Variants in KDM6A observed in about 807,000 individuals in gnomAD.
KDM6A encodes the protein lysine-specific demethylase 6A.
KDM6A carries 11 observed loss-of-function variants against 117.6 expected under a neutral mutation model. The ratio of observed to expected loss-of-function variants is 0.09; its 90% CI spans 0.06 to 0.15. The LOEUF (loss-of-function observed/expected upper bound fraction) is 0.15, where lower values mean the gene tolerates loss of function less well. Ranked by LOEUF, KDM6A falls within the 10% of genes least tolerant of loss-of-function variation. The pLI, the probability that KDM6A is intolerant of heterozygous loss-of-function variation, is 1.00. For missense variants in KDM6A, 799 were observed against 1,077.3 expected, an observed-to-expected ratio of 0.74 and a Z score of 3.62; for synonymous variants, 384 against 396.1, an observed-to-expected ratio of 0.97 and a Z score of 0.36.
intron 2 of KDM6A, among the ~76,000 whole-genome samples, chrX:44,904,306 A>C (rs2034521594): frequency 9.0e-6 from 1 of 111,651 alleles, no homozygotes; most frequent in Admixed American, 9.6e-5. Context: ...CATTATTTTG[A>C]TTGTGCAGAG....
intron 8 of KDM6A, among the ~76,000 whole-genome samples, chrX:45,040,450 A>AC (rs1193126563): frequency 8.0e-4 from 31 of 38,630 alleles, no homozygotes; most frequent in Admixed American, 1.5e-3. Context: ...CGGGGGGCTG[A>AC]CCCCCCCCAC....
rs747029360 is a variant in KDM6A, at chrX:45,063,646, G to T, written c.1908G>T (p.Thr636=). The T allele has an allele frequency of 1.7e-6, 2 of 1,210,509 alleles. No individual in the cohort carries two copies. The highest frequency in any genetic ancestry group is 2.2e-6 in the Non-Finnish European group (2 of 894,705). The part of the protein sequence containing the change: ...AGHVPCSTSR[T]LGSTDTILIG... Reference sequence around the variant, plus strand: ...ATGTTCCCTGTAGCACATCAAGAACGCTGGGAAGTACAGACACTATTTTGA... The same window carrying T: ...ATGTTCCCTGTAGCACATCAAGAACTCTGGGAAGTACAGACACTATTTTGA... Residue 636 remains threonine, a synonymous_variant, in exon 17 of 30, where the codon ACG becomes ACT. Coordinates refer to ENST00000611820, the MANE Select transcript of KDM6A (RefSeq NM_001291415.2).
chrX:44,978,038 C>G (rs1367751911), intron 4 of KDM6A, among the ~76,000 whole-genome samples: 1 of 112,033 alleles, frequency 8.9e-6, no homozygotes, highest in Non-Finnish European at 1.9e-5. Context: ...TTGTGTTTGC[C>G]TGTGCAGAAG....
At chrX:44,924,573 C>G (rs1324596224) in intron 2 of KDM6A, among the ~76,000 whole-genome samples, 3 of 110,115 alleles carry the variant, frequency 2.7e-5, no homozygotes, top group African/African-American at 9.9e-5. Flanking sequence ...TCCACTTTGA[C>G]TTGTGGGAGC....
chrX:45,016,459 A>ATGTG (rs1406701668), intron 5 of KDM6A, among the ~76,000 whole-genome samples: 3 of 78,927 alleles, frequency 3.8e-5, no homozygotes, highest in African/African-American at 8.0e-5. Context: ...TATTTTATGT[A>ATGTG]TGTATGTATG....
At chrX:44,942,465 G>C (rs960452247) in intron 2 of KDM6A, among the ~76,000 whole-genome samples, 2 of 110,891 alleles carry the variant, frequency 1.8e-5, no homozygotes, top group East Asian at 5.7e-4. Context: ...CTGTTGATCT[G>C]TGTGTTTGTC....
chrX:45,016,162 T>A (rs2041950205), intron 5 of KDM6A, among the ~76,000 whole-genome samples: 2 of 111,775 alleles, frequency 1.8e-5, no homozygotes, highest in South Asian at 7.4e-4. Flanking sequence ...AGCATTTTTT[T>A]TAACCTATGT....
At chrX:45,073,460 C>T (rs1177039152) in intron 18 of KDM6A, among the ~76,000 whole-genome samples, 3 of 111,814 alleles carry the variant, frequency 2.7e-5, no homozygotes, top group Non-Finnish European at 5.6e-5. Context: ...CACTGTCTTC[C>T]ACAATGGTTG....
chrX:44,928,532 A>G (rs2036435013), intron 2 of KDM6A, among the ~76,000 whole-genome samples: 1 of 112,164 alleles, frequency 8.9e-6, no homozygotes, highest in Admixed American at 9.5e-5. Context: ...TATCGGAGAG[A>G]CCTTCAAGCA....
At chrX:45,095,284 G>A (rs1277888737) in intron 27 of KDM6A, among the ~76,000 whole-genome samples, 1 of 110,649 alleles carries the variant, frequency 9.0e-6, no homozygotes, top group East Asian at 2.8e-4. Flanking sequence ...GTGAATCTAT[G>A]GCACATGACT....
At chrX:44,877,345 G>A in intron 2 of KDM6A, among the ~76,000 whole-genome samples, 1 of 103,414 alleles carries the variant, frequency 9.7e-6, no homozygotes, top group Non-Finnish European at 1.9e-5. Flanking sequence ...TAGAGCCTGC[G>A]TAATTAGAGT....
At chrX:44,921,094 C>G (rs1284974390) in intron 2 of KDM6A, among the ~76,000 whole-genome samples, 2 of 110,171 alleles carry the variant, frequency 1.8e-5, no homozygotes, top group African/African-American at 3.3e-5. Context: ...AGGCTGTTCT[C>G]AAACTCCTAA....
intron 2 of KDM6A, among the ~76,000 whole-genome samples, chrX:44,940,193 C>G (rs1362874708): frequency 9.0e-6 from 1 of 110,908 alleles, no homozygotes; most frequent in Non-Finnish European, 1.9e-5. Flanking sequence ...GCTGGGATTA[C>G]AGGTGTGCAC....
chrX:44,983,285 G>C (rs952117229), intron 4 of KDM6A, among the ~76,000 whole-genome samples: 2 of 111,606 alleles, frequency 1.8e-5, no homozygotes, highest in Non-Finnish European at 3.8e-5. Context: ...TGGAATCTGT[G>C]CTCATTTTCT....
chrX:44,882,350 A>G (rs777493565), intron 2 of KDM6A, among the ~76,000 whole-genome samples: 3 of 112,192 alleles, frequency 2.7e-5, no homozygotes, highest in African/African-American at 9.7e-5. Flanking sequence ...CTCAGCAATC[A>G]GTCACAGCAT....
intron 3 of KDM6A, among the ~76,000 whole-genome samples, chrX:44,966,691 A>G (rs1312933524): frequency 9.1e-6 from 1 of 110,438 alleles, no homozygotes; most frequent in Non-Finnish European, 1.9e-5. Flanking sequence ...ATTAATGTGT[A>G]ATAGGGGGAA....
intron 2 of KDM6A, among the ~76,000 whole-genome samples, chrX:44,912,497 A>G (rs2035274055): frequency 8.9e-6 from 1 of 112,284 alleles, no homozygotes; most frequent in Non-Finnish European, 1.9e-5. Context: ...CGTATGTTTT[A>G]TAGTTGGAAA....
chrX:45,103,338 G>C (rs1383047773), intron 27 of KDM6A, among the ~76,000 whole-genome samples: 1 of 110,885 alleles, frequency 9.0e-6, no homozygotes, highest in East Asian at 2.8e-4. Context: ...TGTACCGAGT[G>C]TGCCTTCCCC....
chrX:45,008,399 A>G (rs770739097), intron 4 of KDM6A, among the ~76,000 whole-genome samples: 34 of 111,147 alleles, frequency 3.1e-4, no homozygotes, highest in Admixed American at 3.1e-3. Context: ...TAAAAAAAAT[A>G]AAAATAAACT....
Sources: allele counts gnomAD v4.1 joint callset (sites outside exome capture counted in the v4.1 genomes callset), GRCh38; gene constraint gnomAD v4.1.1; transcripts MANE v1.5; gene names NCBI Gene and HGNC (gene_info 2026-07-23, HGNC 2026-07-21).